Variants in AGTR1 observed in about 807,000 individuals in gnomAD.
AGTR1 encodes the protein angiotensin II receptor type 1.
A neutral mutation model predicts 19.4 loss-of-function variants in AGTR1; 16 were observed. The ratio of observed to expected loss-of-function variants is 0.82; its 90% CI spans 0.56 to 1.25. The LOEUF (loss-of-function observed/expected upper bound fraction) is 1.25. Ranked by LOEUF, AGTR1 falls within the 50% of genes most tolerant of loss-of-function variation. The pLI is 0.00. For missense variants in AGTR1, 373 were observed against 431.9 expected (o/e 0.86, Z 1.21); for synonymous variants, 153 against 154.9 (o/e 0.99, Z 0.09).
intron 2 of AGTR1, chr3:148,730,197 C>G (rs949853207): frequency 2.5e-6 from 1 of 398,452 alleles, no homozygotes; most frequent in Non-Finnish European, 4.4e-6. Flanking sequence ...AAATGAATCA[C>G]AAGTCAACTG....
chr3:148,722,102 T>C (rs757392230), intron 2 of AGTR1, among the ~76,000 whole-genome samples: 1 of 152,104 alleles, frequency 6.6e-6, no homozygotes, highest in Non-Finnish European at 1.5e-5. Context: ...GCATCCAATA[T>C]CCAACAAAGT....
At chr3:148,721,875 A>G (rs1436809381) in intron 2 of AGTR1, among the ~76,000 whole-genome samples, 2 of 152,226 alleles carry the variant, frequency 1.3e-5, no homozygotes, top group African/African-American at 4.8e-5. Context: ...TGCTATTTCC[A>G]CCAGCCACAG....
chr3:148,706,555 C>A (rs942889130), intron 1 of AGTR1, among the ~76,000 whole-genome samples: 4 of 151,878 alleles, frequency 2.6e-5, no homozygotes, highest in Non-Finnish European at 5.9e-5. Flanking sequence ...GTACCATAAA[C>A]AAAGTTATCA....
At chr3:148,721,727 C>T (rs1453376764) in intron 2 of AGTR1, among the ~76,000 whole-genome samples, 1 of 152,126 alleles carries the variant, frequency 6.6e-6, no homozygotes, top group African/African-American at 2.4e-5. Context: ...GTTCAGAGTA[C>T]CAGAGAGTTG....
intron 2 of AGTR1, among the ~76,000 whole-genome samples, chr3:148,712,734 T>C (rs1304255345): frequency 6.6e-6 from 1 of 152,174 alleles, no homozygotes; most frequent in Non-Finnish European, 1.5e-5. Flanking sequence ...AGATTATTAA[T>C]CATAAGAGCA....
chr3:148,718,021 G>C (rs1364337932), intron 2 of AGTR1, among the ~76,000 whole-genome samples: 1 of 152,174 alleles, frequency 6.6e-6, no homozygotes, highest in Non-Finnish European at 1.5e-5. Flanking sequence ...CAGCTGATCT[G>C]CCAAATAACA....
chr3:148,717,919 C>G (rs1713390576), intron 2 of AGTR1, among the ~76,000 whole-genome samples: 1 of 152,148 alleles, frequency 6.6e-6, no homozygotes, highest in Admixed American at 6.5e-5. Flanking sequence ...AAACACTAGG[C>G]AATTTGCCTG....
In AGTR1 at chr3:148,742,256, T is replaced by C; in HGVS notation, c.*141T>C. Reference sequence around the variant, plus strand: ...ATGCATTATGTGGACTGAACCGACTTTTCTAAAGCTCTGAACAAAAGCTTT... The same window carrying C: ...ATGCATTATGTGGACTGAACCGACTCTTCTAAAGCTCTGAACAAAAGCTTT... On this transcript the variant is annotated 3_prime_UTR_variant, in exon 3 of 3. Coordinates refer to ENST00000349243, the MANE Select transcript of AGTR1 (RefSeq NM_000685.5). 4 of 1,191,954 alleles carry C rather than the reference T, an allele frequency of 3.4e-6. No homozygotes were observed. The highest frequency in any genetic ancestry group is 5.0e-6 in the Non-Finnish European group (4 of 796,508). The allele number at this position is 1,191,954 out of a possible 1,614,324, so 73.8% of individuals were successfully genotyped here. A position where few individuals can be genotyped will look rare whatever the true frequency, so the allele number is the denominator to read the frequency against.
intron 2 of AGTR1, among the ~76,000 whole-genome samples, chr3:148,732,631 G>C (rs181888916): frequency 6.6e-6 from 1 of 150,512 alleles, no homozygotes; most frequent in East Asian, 2.0e-4. Context: ...TATAATTCTT[G>C]AAATTGTTAT....
At chr3:148,710,408 T>C (rs1299145803) in intron 2 of AGTR1, among the ~76,000 whole-genome samples, 1 of 152,138 alleles carries the variant, frequency 6.6e-6, no homozygotes, top group East Asian at 1.9e-4. Context: ...CACAGTTATA[T>C]TAAGAACTAA....
At chr3:148,698,875 A>T (rs1048684899) in intron 1 of AGTR1, among the ~76,000 whole-genome samples, 1 of 151,666 alleles carries the variant, frequency 6.6e-6, no homozygotes, top group Non-Finnish European at 1.5e-5. Context: ...CCGACACCCA[A>T]CTCCATCCTC....
rs1276143690 is a variant in AGTR1, at chr3:148,716,683, T to G, written c.-48+8656T>G. Reference sequence around the variant, plus strand: ...CTGATTTCTCTCCTGAAAAGAGATATTATACGGCATTTTAGAGAAAACAAA... The same window carrying G: ...CTGATTTCTCTCCTGAAAAGAGATAGTATACGGCATTTTAGAGAAAACAAA... On this transcript the variant is annotated intron_variant, in intron 2 of 2. Transcript: ENST00000349243. This position sits in a 1 kb window ranked among gnomAD's most constrained non-coding sequence, Gnocchi z 4.7. Among the ~76,000 whole-genome samples the G allele has an allele frequency of 6.6e-6, 1 of 152,200 alleles. No homozygotes were observed. The highest frequency in any genetic ancestry group is 2.4e-5 in the African/African-American group (1 of 41,454).
chr3:148,724,853 A>G (rs12695894), intron 2 of AGTR1, among the ~76,000 whole-genome samples: 3,847 of 152,324 alleles, frequency 0.025, 143 homozygotes, highest in African/African-American at 0.086. Flanking sequence ...TCTCTGAATT[A>G]GAATCTTTTT....
chr3:148,711,416 T>C (rs1712977295), intron 2 of AGTR1, among the ~76,000 whole-genome samples: 1 of 152,232 alleles, frequency 6.6e-6, no homozygotes, highest in Non-Finnish European at 1.5e-5. Context: ...TGATATTTCC[T>C]TTACACATTT....
intron 2 of AGTR1, among the ~76,000 whole-genome samples, chr3:148,728,572 A>G (rs1186394744): frequency 6.6e-6 from 1 of 152,204 alleles, no homozygotes. Context: ...CATACCCAGC[A>G]TCTGATAAGT....
intron 2 of AGTR1, among the ~76,000 whole-genome samples, chr3:148,725,566 G>A (rs1349619220): frequency 3.3e-5 from 5 of 151,884 alleles, no homozygotes; most frequent in African/African-American, 1.2e-4. Context: ...TGCAACCTTC[G>A]CCTCCTCCTG....
intron 2 of AGTR1, among the ~76,000 whole-genome samples, chr3:148,736,214 G>T (rs1379714295): frequency 6.6e-6 from 1 of 152,164 alleles, no homozygotes; most frequent in Admixed American, 6.5e-5. Context: ...AGCTGTCAAA[G>T]GATATAAGGT....
intron 2 of AGTR1, chr3:148,739,671 C>A (rs1423418640): frequency 2.3e-6 from 2 of 876,040 alleles, no homozygotes; most frequent in Non-Finnish European, 3.0e-6. Flanking sequence ...AGTTGTATCC[C>A]TTGCACAGCA....
intron 2 of AGTR1, among the ~76,000 whole-genome samples, chr3:148,735,225 G>C (rs773962701): frequency 8.5e-5 from 13 of 152,176 alleles, no homozygotes; most frequent in Non-Finnish European, 1.5e-4. Context: ...AGACCAGACA[G>C]AGTTTCAGAG....
Sources: allele counts gnomAD v4.1 joint callset (sites outside exome capture counted in the v4.1 genomes callset), GRCh38; gene constraint gnomAD v4.1.1; non-coding constraint Gnocchi (gnomAD v3.1); transcripts MANE v1.5; gene names NCBI Gene and HGNC (gene_info 2026-07-23, HGNC 2026-07-21).